Variants in CNTLN observed in about 807,000 individuals in gnomAD.
CNTLN encodes the protein centlein.
CNTLN carries 212 observed loss-of-function variants against 180.0 expected under a neutral mutation model. That is an observed-to-expected ratio of 1.18 (90% CI 1.05 to 1.32). The LOEUF is 1.32. Ranked by LOEUF, CNTLN falls within the 40% of genes most tolerant of loss-of-function variation. The pLI is 0.00. For synonymous variants in CNTLN, 722 were observed against 563.1 expected (o/e 1.28, Z -3.99); for missense variants, 2,095 against 1,610.9 (o/e 1.30, Z -5.14).
intron 6 of CNTLN, among the ~76,000 whole-genome samples, chr9:17,278,940 G>GT (rs566879814): frequency 4.1e-4 from 62 of 150,696 alleles, no homozygotes; most frequent in African/African-American, 8.8e-4. Flanking sequence ...ATAATTTTAG[G>GT]TTTTTTTTTC....
At chr9:17,149,512 C>CTTTTTTTTTTTTTTT (rs55691769) in intron 2 of CNTLN, among the ~76,000 whole-genome samples, 1 of 106,156 alleles carries the variant, frequency 9.4e-6, no homozygotes, top group African/African-American at 3.8e-5. Context: ...TTCTTTCTTT[C>CTTTTTTTTTTTTTTT]TTTTTTTTTT....
rs368943867 is a variant in CNTLN at position 17,256,719 on chromosome 9, AC to A, written c.850-17013del. On this transcript the variant is annotated intron_variant, in intron 5 of 25. Transcript: ENST00000380647. The stretch of plus-strand genomic sequence containing the variant: ...GGGCAGAGAAAAGCAGAAACAGAAA[AC>A]AAAATGTCGTTTAAAAGTTACTTTT... Among the ~76,000 whole-genome samples the A allele has an allele frequency of 3.1e-3, 473 of 152,088 alleles. 4 individuals carry two copies. Among genetic ancestry groups the A allele is most frequent in the African/African-American group, 0.011 (450 of 41,542 alleles).
chr9:17,247,260 A>G (rs1423326516), intron 5 of CNTLN, among the ~76,000 whole-genome samples: 1 of 151,988 alleles, frequency 6.6e-6, no homozygotes, highest in Non-Finnish European at 1.5e-5. Flanking sequence ...AGGACCTCAG[A>G]TCACCTTAGC....
At chr9:17,147,707 CAGAA>C (rs1818551796) in intron 2 of CNTLN, among the ~76,000 whole-genome samples, 1 of 152,074 alleles carries the variant, frequency 6.6e-6, no homozygotes, top group African/African-American at 2.4e-5. Flanking sequence ...CTCATCCCCT[CAGAA>C]AGAAGTATAA....
At chr9:17,479,043 T>G (rs1832501655) in intron 23 of CNTLN, among the ~76,000 whole-genome samples, 1 of 152,084 alleles carries the variant, frequency 6.6e-6, no homozygotes, top group Admixed American at 6.5e-5. Context: ...AAAAAGATAA[T>G]AAGTGTGAGT....
chr9:17,499,554 C>T (rs888358482), intron 25 of CNTLN, among the ~76,000 whole-genome samples: 3 of 152,102 alleles, frequency 2.0e-5, no homozygotes, highest in African/African-American at 7.2e-5. Context: ...TATTTGAATA[C>T]ATATTGAATC....
intron 8 of CNTLN, among the ~76,000 whole-genome samples, chr9:17,328,774 C>A (rs1820462463): frequency 6.6e-6 from 1 of 152,064 alleles, no homozygotes; most frequent in Non-Finnish European, 1.5e-5. Flanking sequence ...GCATTATCTT[C>A]CTGGCTTCTA....
chr9:17,429,812 C>T (rs919905266), intron 18 of CNTLN, among the ~76,000 whole-genome samples: 1 of 151,706 alleles, frequency 6.6e-6, no homozygotes, highest in South Asian at 2.1e-4. Context: ...TTACATTTTA[C>T]CCCTTTTAAG....
intron 5 of CNTLN, among the ~76,000 whole-genome samples, chr9:17,269,127 C>T (rs1045742868): frequency 6.6e-6 from 1 of 152,156 alleles, no homozygotes; most frequent in East Asian, 1.9e-4. Flanking sequence ...TCTTCTGCAT[C>T]GCTCATGCTG....
intron 25 of CNTLN, among the ~76,000 whole-genome samples, chr9:17,490,679 T>C (rs1833114328): frequency 6.6e-6 from 1 of 152,082 alleles, no homozygotes; most frequent in South Asian, 2.1e-4. Flanking sequence ...GCGAATGTAC[T>C]AAAAACCAAT....
intron 7 of CNTLN, chr9:17,301,192 C>A: frequency 1.0e-6 from 1 of 985,386 alleles, no homozygotes; most frequent in Non-Finnish European, 1.2e-6. Context: ...ACCAGAAATT[C>A]CCTAGTGTAT....
At chr9:17,441,019 G>C (rs940961859) in intron 18 of CNTLN, among the ~76,000 whole-genome samples, 5 of 151,578 alleles carry the variant, frequency 3.3e-5, no homozygotes, top group African/African-American at 1.2e-4. Context: ...GCACAACTCT[G>C]TAAATATACA....
At chr9:17,514,677 C>T in the CNTLN span, among the ~76,000 whole-genome samples, 1 of 152,086 alleles carries the variant, frequency 6.6e-6, no homozygotes, top group Non-Finnish European at 1.5e-5. Flanking sequence ...TCCAAGTGTA[C>T]TGGTTTTTGA....
rs905020221 is a variant in CNTLN, at chr9:17,379,892, C to T, written c.1988-8270C>T. On this transcript the variant is annotated intron_variant, in intron 13 of 25. Coordinates refer to ENST00000380647, the MANE Select transcript of CNTLN (RefSeq NM_017738.4). Reference sequence around the variant, plus strand: ...TCTTCCCAAATGAATACCTTAAGCCCCTACCATGCTAAATTTCTCTTTACT... The same window carrying T: ...TCTTCCCAAATGAATACCTTAAGCCTCTACCATGCTAAATTTCTCTTTACT... Among the ~76,000 whole-genome samples the T allele has an allele frequency of 2.6e-5, 4 of 152,198 alleles. No homozygotes were observed. In the South Asian group the frequency reaches 8.3e-4, roughly 32 times the overall value.
intron 12 of CNTLN, among the ~76,000 whole-genome samples, chr9:17,346,117 CTTACAA>C (rs1192820553): frequency 6.6e-6 from 1 of 152,118 alleles, no homozygotes; most frequent in East Asian, 1.9e-4. Context: ...CCTCAGGAAA[CTTACAA>C]TCATGGTGGA....
At chr9:17,431,859 T>C (rs1044142343) in intron 18 of CNTLN, among the ~76,000 whole-genome samples, 1 of 152,198 alleles carries the variant, frequency 6.6e-6, no homozygotes. Flanking sequence ...GATTAATTCC[T>C]TATCTTTAAA....
chr9:17,445,495 C>G (rs1204693989), intron 18 of CNTLN, among the ~76,000 whole-genome samples: 1 of 152,164 alleles, frequency 6.6e-6, no homozygotes, highest in East Asian at 1.9e-4. Context: ...ACCTTACCCC[C>G]AACCCCGTGC....
Position 17,179,275 on chromosome 9 carries a change from G to T in CNTLN, c.449+35899G>T, listed in dbSNP as rs557147864. Among the ~76,000 whole-genome samples, 43 of 150,464 alleles carry T rather than the reference G, an allele frequency of 2.9e-4. 1 individual carries two copies. The highest frequency in any genetic ancestry group is 4.1e-4 in the Non-Finnish European group (28 of 67,732). On this transcript the variant is annotated intron_variant, in intron 2 of 25. Transcript: ENST00000380647. ...AAAAAAAAAAAAAAGAAGAAGTGTA[G>T]ATTATTGATTTGAGATTTTTCCTGT...
intron 18 of CNTLN, among the ~76,000 whole-genome samples, chr9:17,422,179 G>C (rs190597668): frequency 6.6e-6 from 1 of 152,062 alleles, no homozygotes; most frequent in African/African-American, 2.4e-5. Flanking sequence ...TACGATAAAC[G>C]TTCTTTTCTT....
Sources: allele counts gnomAD v4.1 joint callset (sites outside exome capture counted in the v4.1 genomes callset), GRCh38; gene constraint gnomAD v4.1.1; transcripts MANE v1.5; gene names NCBI Gene and HGNC (gene_info 2026-07-23, HGNC 2026-07-21).